The following NFIB variants were observed in gnomAD, a reference collection of about 807,000 sequenced individuals.
The protein encoded by NFIB is nuclear factor 1 B-type.
NFIB carries 11 observed loss-of-function variants against 61.5 expected under a neutral mutation model. That is an observed-to-expected ratio of 0.18 (90% CI 0.11 to 0.30). The LOEUF (loss-of-function observed/expected upper bound fraction) is 0.30, where lower values mean the gene tolerates loss of function less well. NFIB is among the 10% of genes least tolerant of loss of function. NFIB has a pLI of 1.00. For missense variants in NFIB, 471 were observed against 608.9 expected, an observed-to-expected ratio of 0.77 and a Z score of 2.38; for synonymous variants, 260 against 216.5, an observed-to-expected ratio of 1.20 and a Z score of -1.76.
In NFIB at chr9:14,087,637, G is replaced by C. The variant is rs1049775645; in HGVS notation, c.*672C>G. 4 of 217,140 alleles carry C rather than the reference G, an allele frequency of 1.8e-5. No homozygotes were observed. Among genetic ancestry groups the C allele is most frequent in the African/African-American group, 9.1e-5 (4 of 43,808 alleles). The allele number at this position is 217,140 out of a possible 1,614,324, so 13.5% of individuals were successfully genotyped here. A position where few individuals can be genotyped will look rare whatever the true frequency, so the allele number is the denominator to read the frequency against. ...TCAAACTGGGTTACACACTGGAAAA[G>C]GCTGGGTTAAGGGCCGAAATTTAAT... is the stretch of plus-strand genomic sequence containing the variant. On this transcript the variant is annotated 3_prime_UTR_variant, in exon 11 of 11. Coordinates refer to ENST00000380953, the MANE Select transcript of NFIB (RefSeq NM_001190737.2).
intron 2 of NFIB, among the ~76,000 whole-genome samples, chr9:14,257,525 G>T (rs2056338550): frequency 6.6e-6 from 1 of 152,200 alleles, no homozygotes; most frequent in Non-Finnish European, 1.5e-5. Flanking sequence ...GGAGGCCAAG[G>T]TGGGTGGATC....
intron 1 of NFIB, among the ~76,000 whole-genome samples, chr9:14,346,641 G>A (rs2061026717): frequency 6.6e-6 from 1 of 152,250 alleles, no homozygotes; most frequent in Middle Eastern, 3.4e-3. Flanking sequence ...TTGAAGCCCC[G>A]GGGTAGTAAA....
chr9:14,228,636 T>C (rs1178595595), intron 2 of NFIB, among the ~76,000 whole-genome samples: 1 of 152,244 alleles, frequency 6.6e-6, no homozygotes, highest in Non-Finnish European at 1.5e-5. Context: ...AAATTCAAAT[T>C]GCTTGCAAAT....
chr9:14,298,338 T>C (rs1161071803), intron 2 of NFIB, among the ~76,000 whole-genome samples: 1 of 151,436 alleles, frequency 6.6e-6, no homozygotes, highest in African/African-American at 2.4e-5. Flanking sequence ...ATTATGACAA[T>C]AAAATATTTT....
the NFIB span, among the ~76,000 whole-genome samples, chr9:14,477,097 A>C: frequency 6.6e-6 from 1 of 152,178 alleles, no homozygotes; most frequent in African/African-American, 2.4e-5. Context: ...GGATGTTTAA[A>C]ATTTCTTAAA....
At chr9:14,425,537 T>C in the NFIB span, among the ~76,000 whole-genome samples, 1 of 151,680 alleles carries the variant, frequency 6.6e-6, no homozygotes, top group Non-Finnish European at 1.5e-5. Flanking sequence ...TAAGGAAACA[T>C]ATATAAGAAA....
At chr9:14,421,689 A>G in the NFIB span, among the ~76,000 whole-genome samples, 1 of 152,232 alleles carries the variant, frequency 6.6e-6, no homozygotes, top group Non-Finnish European at 1.5e-5. Flanking sequence ...AAAGCAAAGG[A>G]TGCCACACTA....
At chr9:14,464,593 G>A in the NFIB span, among the ~76,000 whole-genome samples, 37 of 152,268 alleles carry the variant, frequency 2.4e-4, 1 homozygote, top group Admixed American at 1.8e-3. Context: ...CTGATGGAGC[G>A]TAGCAAGGAA....
rs2032585131 is a variant in NFIB, at chr9:14,084,783, G to A, written c.*3526C>T. 4.4e-6 allele frequency: 1 copy of A among 228,858 alleles called. No homozygotes were observed. Among genetic ancestry groups the A allele is most frequent in the East Asian group, 6.2e-5 (1 of 16,018 alleles). The allele number at this position is 228,858 out of a possible 1,614,324, so 14.2% of individuals were successfully genotyped here. On this transcript the variant is annotated 3_prime_UTR_variant, in exon 11 of 11. Transcript: ENST00000380953. ...ATACTTCCTGGTACACGAGGAGGAG[G>A]CCGAAAAGTTGATTTGAGATTTTAT...
intron 3 of NFIB, among the ~76,000 whole-genome samples, chr9:14,165,098 C>A (rs1368895341): frequency 1.3e-5 from 2 of 152,152 alleles, no homozygotes; most frequent in Non-Finnish European, 2.9e-5. Context: ...ATTTGACAAT[C>A]CTAGAACATA....
At chr9:14,287,889 G>C (rs2058823440) in intron 2 of NFIB, among the ~76,000 whole-genome samples, 1 of 152,050 alleles carries the variant, frequency 6.6e-6, no homozygotes, top group South Asian at 2.1e-4. Context: ...GTATAAATTT[G>C]CATCAGGTCA....
At chr9:14,169,511 C>A (rs1367086163) in intron 3 of NFIB, among the ~76,000 whole-genome samples, 1 of 152,096 alleles carries the variant, frequency 6.6e-6, no homozygotes. Flanking sequence ...TGATCAATGA[C>A]ATTATCAAGC....
chr9:14,263,273 T>C (rs2056940279), intron 2 of NFIB, among the ~76,000 whole-genome samples: 1 of 96,682 alleles, frequency 1.0e-5, no homozygotes, highest in African/African-American at 3.5e-5. Context: ...TTGAATAGCA[T>C]GAGGGGATTT....
intron 10 of NFIB, among the ~76,000 whole-genome samples, chr9:14,093,200 G>A (rs1247966853): frequency 1.3e-5 from 2 of 151,938 alleles, no homozygotes; most frequent in Non-Finnish European, 2.9e-5. Flanking sequence ...TTTAAGAATG[G>A]CAAAAATCAT....
Position 14,286,513 on chromosome 9 carries a change from TCTCA to T in NFIB, c.562+20472_562+20475del, listed in dbSNP as rs531775352. Among the ~76,000 whole-genome samples the T allele has an allele frequency of 1.7e-4, 26 of 152,342 alleles. No individual in the cohort carries two copies. The South Asian group carries it at 3.3e-3, about 19-fold the overall frequency. ...TCATCACAATAATCCATTCTCATGA[TCTCA>T]CTATTTTCTCAGAAGTTGTCACAAG... On this transcript the variant is annotated intron_variant, in intron 2 of 10. Coordinates refer to ENST00000380953, the MANE Select transcript of NFIB (RefSeq NM_001190737.2).
intron 2 of NFIB, among the ~76,000 whole-genome samples, chr9:14,302,977 G>C (rs2059828501): frequency 6.6e-6 from 1 of 152,196 alleles, no homozygotes; most frequent in African/African-American, 2.4e-5. Flanking sequence ...GATTTTCCCA[G>C]TGTACAAAAT....
chr9:14,464,953 ATATTAT>A, the NFIB span, among the ~76,000 whole-genome samples: 5 of 152,100 alleles, frequency 3.3e-5, no homozygotes, highest in African/African-American at 1.2e-4. Context: ...TACTCAATAG[ATATTAT>A]TATTATTATA....
At chr9:14,116,051 G>A (rs2038086952) in intron 9 of NFIB, 157 bp downstream of exon 9, 17 of 869,718 alleles carry the variant, frequency 2.0e-5, no homozygotes, top group Non-Finnish European at 2.7e-5. Context: ...ATCCATGCCT[G>A]CTAGCTCCAC....
At chr9:14,170,688 C>T (rs2045471374) in intron 3 of NFIB, among the ~76,000 whole-genome samples, 1 of 152,120 alleles carries the variant, frequency 6.6e-6, no homozygotes, top group Non-Finnish European at 1.5e-5. Context: ...GCCATCACTA[C>T]AACACTGCCC....
Sources: allele counts gnomAD v4.1 joint callset (sites outside exome capture counted in the v4.1 genomes callset), GRCh38; gene constraint gnomAD v4.1.1; transcripts MANE v1.5; gene names NCBI Gene and HGNC (gene_info 2026-07-23, HGNC 2026-07-21).